SOX5: variants seen among roughly 807,000 people sequenced by gnomAD.
SOX5 encodes transcription factor SOX-5.
A neutral mutation model predicts 92.0 loss-of-function variants in SOX5; 9 were observed. The observed-to-expected ratio is 0.10, with a 90% CI of 0.06 to 0.17. The LOEUF is 0.17. Among genes scored for constraint, SOX5 ranks in the 10% least tolerant of loss-of-function variants. SOX5 has a pLI of 1.00. For missense variants in SOX5, 642 were observed against 944.5 expected, an observed-to-expected ratio of 0.68 and a Z score of 4.20; for synonymous variants, 344 against 336.3, an observed-to-expected ratio of 1.02 and a Z score of -0.25.
chr12:24,175,734 C>T (rs1326423387), intron 4 of SOX5, among the ~76,000 whole-genome samples: 2 of 152,130 alleles, frequency 1.3e-5, no homozygotes, highest in African/African-American at 2.4e-5. Flanking sequence ...GGAGCCAACA[C>T]GAGAGGGGCC....
At chr12:24,086,294 A>G (rs963844239) in intron 4 of SOX5, among the ~76,000 whole-genome samples, 4 of 152,004 alleles carry the variant, frequency 2.6e-5, no homozygotes, top group African/African-American at 9.7e-5. Flanking sequence ...CCCAGACTAC[A>G]TAGACTCTCA....
chr12:24,220,498 GAAATTTTATAACTTTCCTAATA>G (rs1449305756), intron 3 of SOX5, among the ~76,000 whole-genome samples: 2 of 151,936 alleles, frequency 1.3e-5, no homozygotes, highest in African/African-American at 2.4e-5. Flanking sequence ...ATTTCTCCAA[GAAATTTTATAACTTTCCTAATA>G]ATAAAAGGGC....
At chr12:24,527,375 T>G (rs1407054402) in intron 1 of SOX5, among the ~76,000 whole-genome samples, 1 of 152,200 alleles carries the variant, frequency 6.6e-6, no homozygotes, top group Non-Finnish European at 1.5e-5. Flanking sequence ...AGAGAGGTGA[T>G]GAAAATCTAG....
chr12:24,382,076 C>A (rs1957880775), intron 1 of SOX5, among the ~76,000 whole-genome samples: 1 of 152,128 alleles, frequency 6.6e-6, no homozygotes, highest in Admixed American at 6.5e-5. Flanking sequence ...AAGTTCCTTG[C>A]CCTCACGCAG....
intron 3 of SOX5, among the ~76,000 whole-genome samples, chr12:24,253,231 C>A (rs1030643233): frequency 1.3e-5 from 2 of 150,222 alleles, no homozygotes; most frequent in Non-Finnish European, 3.0e-5. Context: ...AATTCTTGTT[C>A]AGCTCCTCAT....
intron 1 of SOX5, among the ~76,000 whole-genome samples, chr12:24,439,953 T>TA (rs1264962725): frequency 1.3e-5 from 2 of 152,150 alleles, no homozygotes; most frequent in Non-Finnish European, 2.9e-5. Context: ...AGTCAGGAAA[T>TA]ACGCAAGTGC....
chr12:23,859,747 T>C (rs2096733827), intron 2 of SOX5, among the ~76,000 whole-genome samples: 1 of 152,190 alleles, frequency 6.6e-6, no homozygotes, highest in Non-Finnish European at 1.5e-5. Context: ...ATGTCACCCC[T>C]GGAGGCCGAG....
At chr12:23,856,198 T>C (rs573039558) in intron 2 of SOX5, among the ~76,000 whole-genome samples, 1 of 152,208 alleles carries the variant, frequency 6.6e-6, no homozygotes, top group South Asian at 2.1e-4. Context: ...ACACAATCAC[T>C]GAGATAGTCG....
intron 1 of SOX5, among the ~76,000 whole-genome samples, chr12:24,379,557 A>G (rs1282126109): frequency 3.3e-5 from 5 of 152,220 alleles, no homozygotes; most frequent in Non-Finnish European, 7.3e-5. Context: ...GTGAGCTATA[A>G]AATTCCAGTG....
intron 4 of SOX5, among the ~76,000 whole-genome samples, chr12:24,158,692 A>T (rs928590561): frequency 3.9e-5 from 6 of 151,944 alleles, no homozygotes; most frequent in African/African-American, 1.4e-4. Flanking sequence ...ACTGCCACAT[A>T]TTCTTTGAGA....
intron 4 of SOX5, among the ~76,000 whole-genome samples, chr12:24,071,669 C>A (rs12298657): frequency 6.6e-6 from 1 of 151,964 alleles, no homozygotes; most frequent in Non-Finnish European, 1.5e-5. Flanking sequence ...CTCCTGACCT[C>A]GTGATCCACC....
At chr12:24,334,560 G>A (rs913462309) in intron 2 of SOX5, among the ~76,000 whole-genome samples, 2 of 152,176 alleles carry the variant, frequency 1.3e-5, no homozygotes, top group African/African-American at 4.8e-5. Context: ...GGGACAGTGA[G>A]CCTAGCACTA....
chr12:23,535,441 A>G (rs1565598144), intron 14 of SOX5, among the ~76,000 whole-genome samples: 1 of 152,308 alleles, frequency 6.6e-6, no homozygotes, highest in Non-Finnish European at 1.5e-5. Context: ...GCTGCCACAG[A>G]CTTGAAATTC....
rs181924590 is a variant in SOX5, at chr12:24,266,203, A to G, written c.-77+11013T>C. On this transcript the variant is annotated intron_variant, in intron 3 of 4. Transcript: ENST00000446891. ...TGCTAGAATTACTAAAGGCTAAGCC[A>G]CTGTGCCTGGCCCAGGGCCCATTTT... 7.2e-5 allele frequency among the ~76,000 whole-genome samples: 11 copies of G among 152,212 alleles called. No individual in the cohort carries two copies. The East Asian group carries it at 2.1e-3, about 29-fold the overall frequency.
In SOX5 at chr12:23,533,919, A is replaced by G. The variant is rs1381860701; in HGVS notation, c.*300T>C. On this transcript the variant is annotated 3_prime_UTR_variant, in exon 15 of 15. Transcript: ENST00000451604. Reference sequence around the variant, plus strand: ...GCCATAAAGTTTATTTAAAAAAAAAAAAAAGTTGACGGGTAAGACTTCAGT... The same window carrying G: ...GCCATAAAGTTTATTTAAAAAAAAAGAAAAGTTGACGGGTAAGACTTCAGT... The G allele has an allele frequency of 4.2e-6, 1 of 236,020 alleles. No individual in the cohort carries two copies. Among genetic ancestry groups the G allele is most frequent in the Non-Finnish European group, 8.3e-6 (1 of 120,598 alleles). 14.6% of individuals were successfully genotyped at this position (236,020 alleles called of 1,614,324 possible). A position where few individuals can be genotyped will look rare whatever the true frequency, so the allele number is the denominator to read the frequency against.
At chr12:24,014,501 T>TA in intron 4 of SOX5, among the ~76,000 whole-genome samples, 1 of 152,268 alleles carries the variant, frequency 6.6e-6, no homozygotes, top group South Asian at 2.1e-4. Flanking sequence ...GCACCACACA[T>TA]GTCTGAACGA....
intron 1 of SOX5, among the ~76,000 whole-genome samples, chr12:23,915,467 C>G (rs918797854): frequency 1.3e-5 from 2 of 152,064 alleles, no homozygotes; most frequent in East Asian, 3.9e-4. Context: ...TGGTGTGAAG[C>G]TAAGATTTCT....
At chr12:24,384,071 C>T (rs542028457) in intron 1 of SOX5, among the ~76,000 whole-genome samples, 33 of 152,256 alleles carry the variant, frequency 2.2e-4, no homozygotes, top group African/African-American at 3.1e-4. Flanking sequence ...CTTCCTCTAC[C>T]GCCATTATTG....
chr12:24,045,920 G>C (rs1224317076), intron 4 of SOX5, among the ~76,000 whole-genome samples: 1 of 151,832 alleles, frequency 6.6e-6, no homozygotes, highest in Non-Finnish European at 1.5e-5. Context: ...TGTGTCTCCT[G>C]TCACTCTGGC....
Sources: allele counts gnomAD v4.1 joint callset (sites outside exome capture counted in the v4.1 genomes callset), GRCh38; gene constraint gnomAD v4.1.1; transcripts MANE v1.5; gene names NCBI Gene and HGNC (gene_info 2026-07-23, HGNC 2026-07-21).